Variants in MTUS1 observed in about 807,000 individuals in gnomAD.
The protein encoded by MTUS1 is microtubule associated scaffold protein 1.
In MTUS1, 109 loss-of-function variants were observed where a neutral mutation model predicts 120.8. That is an observed-to-expected ratio of 0.90 (90% CI 0.77 to 1.06). The LOEUF is 1.06. Ranked by LOEUF, MTUS1 falls within the 50% of genes least tolerant of loss-of-function variation. The pLI is 0.00. For missense variants in MTUS1, 2,210 were observed against 1,486.3 expected (o/e 1.49, Z -8.01); for synonymous variants, 737 against 550.5 (o/e 1.34, Z -4.74).
Position 17,656,077 on chromosome 8 carries a change from G to A in MTUS1, c.2906-12C>T. On this transcript the variant is annotated splice_polypyrimidine_tract_variant and intron_variant, in intron 8 of 14. Coordinates refer to ENST00000693296, the MANE Select transcript of MTUS1 (RefSeq NM_001363059.2). ...GGTTGAAGCAGTGACTGAAAACAGAGGAGAAAGAAGAGGGAAGAGGTCATT... is the reference window on the plus strand; with the variant it reads ...GGTTGAAGCAGTGACTGAAAACAGAAGAGAAAGAAGAGGGAAGAGGTCATT... 1.9e-6 allele frequency: 3 copies of A among 1,613,226 alleles called. No homozygotes were observed. The highest frequency in any genetic ancestry group is 2.5e-6 in the Non-Finnish European group (3 of 1,179,178).
rs1813881411 is a variant in MTUS1, at chr8:17,679,516, T to TTTA, written c.2839-4265_2839-4264insTAA. ...ATTTATTTATTTATTTATTTATTTA[T>TTTA]TTTTTGAGACAGGGTCTCACTGTCA... On this transcript the variant is annotated intron_variant, in intron 7 of 14. Coordinates refer to ENST00000693296, the MANE Select transcript of MTUS1 (RefSeq NM_001363059.2). Among the ~76,000 whole-genome samples, 3 of 39,788 alleles carry TTTA rather than the reference T, an allele frequency of 7.5e-5. No homozygotes were observed. The South Asian group carries it at 2.5e-3, about 33-fold the overall frequency. The allele number at this position is 39,788 out of a possible 152,430, so 26.1% of individuals were successfully genotyped here.
chr8:17,770,511 T>G (rs2131445689), intron 1 of MTUS1: 1 of 152,324 alleles, frequency 6.6e-6, no homozygotes, highest in Non-Finnish European at 1.5e-5. Context: ...CAAACAAAAT[T>G]TTTTAATGCC....
chr8:17,797,351 T>C (rs537435323), intron 1 of MTUS1, among the ~76,000 whole-genome samples: 1 of 152,124 alleles, frequency 6.6e-6, no homozygotes, highest in African/African-American at 2.4e-5. Context: ...ACGTGAAGGC[T>C]GCAGTAAGCT....
At position 17,713,238 on chromosome 8, in the gene MTUS1, T is replaced by C; in HGVS notation, c.2599A>G (p.Asn867Asp). The part of the protein sequence containing the change: ...KTPPKGPSRK[N>D]LFTALNAVEK... The stretch of plus-strand genomic sequence containing the variant: ...CCTGCATTAAGAGCTGTAAATAAAT[T>C]TTTTCTCGAAGGACCTAAGATATAA... The change falls in exon 6 of 15, where the codon AAT (asparagine) becomes GAT (aspartate). Residue 867 changes from asparagine to aspartate, a missense_variant. Physicochemically the swap from Asn to Asp is conservative, Grantham distance 23 (BLOSUM62 1). Transcript: ENST00000693296. The C allele has an allele frequency of 6.3e-7, 1 of 1,594,676 alleles. No homozygotes were observed. The highest frequency in any genetic ancestry group is 8.6e-7 in the Non-Finnish European group (1 of 1,164,636).
chr8:17,667,370 G>A (rs1246780789), intron 8 of MTUS1, among the ~76,000 whole-genome samples: 1 of 152,158 alleles, frequency 6.6e-6, no homozygotes, highest in Admixed American at 6.5e-5. Context: ...CAACTCAAAA[G>A]TGACTTACCT....
chr8:17,726,490 TAATA>T (rs1354976835), intron 3 of MTUS1, among the ~76,000 whole-genome samples: 1 of 152,224 alleles, frequency 6.6e-6, no homozygotes, highest in Non-Finnish European at 1.5e-5. Flanking sequence ...GAGTGAGACT[TAATA>T]AATGTTTCCT....
At chr8:17,688,309 T>A (rs536804684) in intron 6 of MTUS1, among the ~76,000 whole-genome samples, 8 of 152,274 alleles carry the variant, frequency 5.3e-5, no homozygotes, top group African/African-American at 1.9e-4. Context: ...AAGTATCACA[T>A]AAGAGGGTGG....
chr8:17,722,246 A>T (rs1335846618), intron 4 of MTUS1: 1 of 994,792 alleles, frequency 1.0e-6, no homozygotes, highest in Non-Finnish European at 1.2e-6. Flanking sequence ...GTCAACATGG[A>T]TGTCGATGGA....
intron 1 of MTUS1, among the ~76,000 whole-genome samples, chr8:17,756,540 AG>A (rs79078853): frequency 0.029 from 4,329 of 151,466 alleles, 201 homozygotes; most frequent in African/African-American, 0.1. Flanking sequence ...TCCAAATTGA[AG>A]GGGAAAAAAA....
chr8:17,763,162 T>C (rs1034117623), intron 1 of MTUS1, among the ~76,000 whole-genome samples: 3 of 152,080 alleles, frequency 2.0e-5, no homozygotes, highest in Admixed American at 6.6e-5. Context: ...AGCTAATTTT[T>C]TGTGTTTTTA....
chr8:17,708,299 A>G (rs1157198794), intron 6 of MTUS1, among the ~76,000 whole-genome samples: 1 of 152,262 alleles, frequency 6.6e-6, no homozygotes, highest in Non-Finnish European at 1.5e-5. Flanking sequence ...TGATTTGAAT[A>G]GACACTTCTC....
chr8:17,650,258 C>A (rs1585391850), intron 12 of MTUS1, among the ~76,000 whole-genome samples: 1 of 152,146 alleles, frequency 6.6e-6, no homozygotes. Context: ...AAAACAGAAT[C>A]TTGGCTGGAG....
chr8:17,719,738 C>A (rs1320740194), intron 4 of MTUS1, among the ~76,000 whole-genome samples: 1 of 152,086 alleles, frequency 6.6e-6, no homozygotes, highest in Non-Finnish European at 1.5e-5. Flanking sequence ...TGGCCACTAA[C>A]CAGTGTTGGC....
At chr8:17,716,008 C>T (rs770771851) in intron 4 of MTUS1, 107 bp from the exon 5 acceptor site, 193 of 976,556 alleles carry the variant, frequency 2.0e-4, no homozygotes, top group Non-Finnish European at 2.6e-4. Context: ...TAAGCACCTA[C>T]GACATGCCAG....
In MTUS1 at chr8:17,649,921, GCTTT is replaced by G; in HGVS notation, c.3422_3425del (p.Glu1141AlafsTer2). 6.2e-7 allele frequency: 1 copy of G among 1,611,318 alleles called. No individual in the cohort carries two copies. The highest frequency in any genetic ancestry group is 8.5e-7 in the Non-Finnish European group (1 of 1,177,694). The stretch of plus-strand genomic sequence containing the variant: ...TCTTGATCTCTAACACAGCTTTCAG[GCTTT>G]CTAACTCCTGTTCTAGATACATGAT... On this transcript the variant is annotated frameshift_variant, in exon 13 of 15. Transcript: ENST00000693296. LOFTEE classifies it high-confidence loss of function.
At chr8:17,721,730 T>C in intron 4 of MTUS1, 2 of 1,581,370 alleles carry the variant, frequency 1.3e-6, no homozygotes, top group Non-Finnish European at 1.7e-6. Flanking sequence ...CCAGTAAACG[T>C]GGCTAACAAA....
intron 3 of MTUS1, among the ~76,000 whole-genome samples, chr8:17,738,927 C>T (rs1199845026): frequency 1.3e-5 from 2 of 151,612 alleles, no homozygotes; most frequent in Non-Finnish European, 2.9e-5. Context: ...TCACTTAAGC[C>T]CAGGAGTTCA....
intron 1 of MTUS1, among the ~76,000 whole-genome samples, chr8:17,782,149 T>A (rs1355755661): frequency 6.6e-6 from 1 of 152,148 alleles, no homozygotes; most frequent in East Asian, 1.9e-4. Context: ...AACAACTCAA[T>A]GATGGGATTT....
intron 9 of MTUS1, among the ~76,000 whole-genome samples, chr8:17,655,391 A>G (rs1229079309): frequency 2.6e-5 from 4 of 151,822 alleles, no homozygotes; most frequent in African/African-American, 7.3e-5. Context: ...TGTTTTTTCA[A>G]TTTTATCTTT....
Sources: gnomAD v4.1 joint callset for allele counts (sites outside exome capture counted in the v4.1 genomes callset) on GRCh38, gnomAD v4.1.1 for gene constraint, MANE v1.5 for transcripts, NCBI Gene and HGNC (gene_info 2026-07-23, HGNC 2026-07-21) for gene names.